Variants in RBM24 observed in about 807,000 individuals in gnomAD.
The protein encoded by RBM24 is RNA-binding protein 24.
A neutral mutation model predicts 23.6 loss-of-function variants in RBM24; 5 were observed. That is an observed-to-expected ratio of 0.21 (90% confidence interval 0.11 to 0.45). The LOEUF (loss-of-function observed/expected upper bound fraction) is 0.45, where lower values mean the gene tolerates loss of function less well. RBM24 is among the 20% of genes least tolerant of loss of function. The pLI is 0.99. For missense variants in RBM24, 252 were observed against 314.6 expected (o/e 0.80, Z 1.51); for synonymous variants, 151 against 129.5 (o/e 1.17, Z -1.13).
intron 3 of RBM24, 76 bp from the exon 4 acceptor site, chr6:17,291,680 G>A (rs1561737921): frequency 1.4e-6 from 2 of 1,479,892 alleles, no homozygotes; most frequent in East Asian, 4.6e-5. Context: ...CTAAATTTGA[G>A]TTTGTTTTAT....
chr6:17,284,486 A>G (rs1038206165), intron 2 of RBM24, among the ~76,000 whole-genome samples, 171 bp from the exon 3 acceptor site: 5 of 152,204 alleles, frequency 3.3e-5, no homozygotes, highest in African/African-American at 1.2e-4. Context: ...TTTTGAATCA[A>G]TGATAGCATT....
chr6:17,285,012 C>G (rs548512466), intron 3 of RBM24: 1 of 229,340 alleles, frequency 4.4e-6, no homozygotes, highest in African/African-American at 2.3e-5. Flanking sequence ...TACTACTGTT[C>G]GACTTGACTC....
At position 17,283,591 on chromosome 6, in the gene RBM24, A is replaced by AT. The variant is rs1409713249; in HGVS notation, c.292+668dup. On this transcript the variant is annotated intron_variant, in intron 2 of 3. Transcript: ENST00000379052. ...TGTCACCACACCCAGCTAATTTTGT[A>AT]TTTTTAGTAGAGACGGGGTTTCACT... Among the ~76,000 whole-genome samples, 4 of 152,164 alleles carry AT rather than the reference A, an allele frequency of 2.6e-5. 1 individual carries two copies. The South Asian group carries it at 8.3e-4, about 32-fold the overall frequency.
In RBM24 at chr6:17,283,091, G is replaced by A. The variant is rs1760079278; in HGVS notation, c.292+163G>A. The A allele has an allele frequency of 5.1e-6, 3 of 586,644 alleles. No individual in the cohort carries two copies. The South Asian group carries it at 6.7e-5, about 13-fold the overall frequency. The allele number at this position is 586,644 out of a possible 1,614,324, so 36.3% of individuals were successfully genotyped here. ...AAGGCATTAAACATAAATGAGAGTT[G>A]TAAATACTCCTCTCAAGGCTTGAAA... is the stretch of plus-strand genomic sequence containing the variant. On this transcript the variant is annotated intron_variant, in intron 2 of 3. Transcript: ENST00000379052.
At position 17,281,876 on chromosome 6, in the gene RBM24, T is replaced by G; in HGVS notation, c.168+127T>G. ...CCCGCGGGTAGAGCGGCGCTGCCCC[T>G]TCGCTCCGGGGTGAACTGAAACTTT... On this transcript the variant is annotated intron_variant, in intron 1 of 3. Transcript: ENST00000379052. This position sits in a 1 kb window ranked among gnomAD's most constrained non-coding sequence, Gnocchi z 7.1. 1 of 1,377,426 alleles carries G rather than the reference T, an allele frequency of 7.3e-7. No homozygotes were observed. The highest frequency in any genetic ancestry group is 2.5e-5 in the Admixed American group (1 of 40,696). The allele number at this position is 1,377,426 out of a possible 1,614,324, so 85.3% of individuals were successfully genotyped here. A position where few individuals can be genotyped will look rare whatever the true frequency, so the allele number is the denominator to read the frequency against.
At chr6:17,287,762 T>C (rs1760239470) in intron 3 of RBM24, among the ~76,000 whole-genome samples, 1 of 152,002 alleles carries the variant, frequency 6.6e-6, no homozygotes, top group Non-Finnish European at 1.5e-5. Flanking sequence ...CGAGCCGAGA[T>C]TGTGCCACTG....
chr6:17,283,100 C>T, intron 2 of RBM24, 172 bp downstream of exon 2: 1 of 562,620 alleles, frequency 1.8e-6, no homozygotes, highest in South Asian at 2.5e-5. Flanking sequence ...TGTAAATACT[C>T]CTCTCAAGGC....
At chr6:17,289,622 C>T in intron 3 of RBM24, 2 of 985,346 alleles carry the variant, frequency 2.0e-6, no homozygotes, top group Non-Finnish European at 2.4e-6. Context: ...ACCTAGCACC[C>T]ACAGTGTTGT....
chr6:17,291,906 T>C lies in RBM24; in HGVS notation c.498T>C (p.Ala166=), dbSNP rs1020607725. 2.7e-5 allele frequency: 44 copies of C among 1,611,974 alleles called. No individual in the cohort carries two copies. Among genetic ancestry groups the C allele is most frequent in the East Asian group, 4.5e-5 (2 of 44,882 alleles). Residue 166 remains alanine (A), a synonymous_variant, in exon 4 of 4, where the codon GCT becomes GCC. Transcript: ENST00000379052. ...AYAQYSAAAA[A]AAAAAAYDQY... is the part of the protein sequence containing the mutation. ...CACAATACTCAGCAGCTGCTGCTGC[T>C]GCCGCCGCCGCTGCTGCCTATGACC...
intron 3 of RBM24, chr6:17,288,873 G>A (rs1581434861): frequency 4.1e-6 from 4 of 985,392 alleles, no homozygotes; most frequent in Non-Finnish European, 3.6e-6. Flanking sequence ...CACTGAGTTT[G>A]GTTTTTTAGG....
chr6:17,289,007 A>G, intron 3 of RBM24: 1 of 985,476 alleles, frequency 1.0e-6, no homozygotes, highest in Non-Finnish European at 1.2e-6. Flanking sequence ...TTGCTTTAAA[A>G]GTCACATAGA....
Position 17,292,012 on chromosome 6 carries a change from A to G in RBM24, c.604A>G (p.Thr202Ala), listed in dbSNP as rs1385062967. 1 of 1,604,214 alleles carries G rather than the reference A, an allele frequency of 6.2e-7. No homozygotes were observed. Among genetic ancestry groups the G allele is most frequent in the South Asian group, 1.1e-5 (1 of 90,938 alleles). ...GYGYAVQQPITAAAPGTAAAA... is the reference protein window; with the variant it reads ...GYGYAVQQPIAAAAPGTAAAA... ...TGGCTACGCAGTCCAGCAGCCAATC[A>G]CCGCAGCGGCACCTGGGACAGCTGC... The change falls in exon 4 of 4, where the codon ACC (threonine) becomes GCC (alanine). Residue 202 changes from threonine to alanine, a missense_variant. By Grantham distance (58) the Thr-to-Ala change is moderately conservative. Transcript: ENST00000379052.
At chr6:17,291,006 A>C in intron 3 of RBM24, 1 of 630,434 alleles carries the variant, frequency 1.6e-6, no homozygotes, top group Non-Finnish European at 2.6e-6. Flanking sequence ...TGTTAATAGC[A>C]TTTTTGTAGC....
At chr6:17,285,728 CAT>C (rs1252707112) in intron 3 of RBM24, among the ~76,000 whole-genome samples, 1 of 152,158 alleles carries the variant, frequency 6.6e-6, no homozygotes, top group African/African-American at 2.4e-5. Flanking sequence ...AACACCTGTT[CAT>C]ATTTATGTTG....
intron 3 of RBM24, among the ~76,000 whole-genome samples, chr6:17,290,645 G>A (rs1478531725): frequency 1.3e-5 from 2 of 152,136 alleles, no homozygotes; most frequent in Admixed American, 6.6e-5. Context: ...CAACGAATAG[G>A]GCAGATTTCG....
At chr6:17,291,187 G>C (rs1208733573) in intron 3 of RBM24, among the ~76,000 whole-genome samples, 1 of 152,160 alleles carries the variant, frequency 6.6e-6, no homozygotes, top group African/African-American at 2.4e-5. Context: ...GTTGCAGAGA[G>C]ATTAATGTGT....
intron 2 of RBM24, among the ~76,000 whole-genome samples, chr6:17,283,299 C>T (rs115470589): frequency 0.015 from 2,259 of 152,266 alleles, 63 homozygotes; most frequent in African/African-American, 0.052. Context: ...TAATATACTT[C>T]CCTACTTAGT....
At chr6:17,288,242 T>C in intron 3 of RBM24, 1 of 985,398 alleles carries the variant, frequency 1.0e-6, no homozygotes. Context: ...GACAAAACTC[T>C]ATTCTCTCAT....
chr6:17,283,233 G>A (rs979623298), intron 2 of RBM24: 1 of 317,696 alleles, frequency 3.1e-6, no homozygotes, highest in Non-Finnish European at 6.0e-6. Context: ...CCAATTTTTA[G>A]CCACCTGTAG....
Sources: gnomAD v4.1 joint callset for allele counts (sites outside exome capture counted in the v4.1 genomes callset) on GRCh38, gnomAD v4.1.1 for gene constraint, Gnocchi (gnomAD v3.1) non-coding constraint, MANE v1.5 for transcripts, NCBI Gene and HGNC (gene_info 2026-07-23, HGNC 2026-07-21) for gene names.